The following ELAPOR2 variants were observed in gnomAD, a reference collection of about 807,000 sequenced individuals.
The protein encoded by ELAPOR2 is endosome-lysosome associated apoptosis and autophagy regulator family member 2.
In ELAPOR2, 89 loss-of-function variants were observed where a neutral mutation model predicts 120.7. The ratio of observed to expected loss-of-function variants is 0.74; its 90% CI spans 0.62 to 0.88. The LOEUF is 0.88. ELAPOR2 is among the 40% of genes least tolerant of loss of function. ELAPOR2 has a pLI of 0.00. For missense variants in ELAPOR2, 1,134 were observed against 1,251.6 expected (o/e 0.91, Z 1.42); for synonymous variants, 444 against 444.9 (o/e 1.00, Z 0.03).
intron 10 of ELAPOR2, 30 bp from the exon 11 acceptor site, chr7:86,919,340 T>C (rs762360853): frequency 1.5e-6 from 2 of 1,367,646 alleles, no homozygotes; most frequent in South Asian, 1.3e-5. Context: ...TTTTTATTAA[T>C]AAAAATTCCA....
At chr7:86,896,410 G>A (rs1788439760) in intron 19 of ELAPOR2, among the ~76,000 whole-genome samples, 3 of 152,016 alleles carry the variant, frequency 2.0e-5, no homozygotes, top group Non-Finnish European at 4.4e-5. Context: ...CTAGGGGTGA[G>A]GTGAACACAA....
chr7:86,967,572 T>C (rs919247758), intron 1 of ELAPOR2, among the ~76,000 whole-genome samples: 2 of 152,168 alleles, frequency 1.3e-5, no homozygotes, highest in Non-Finnish European at 2.9e-5. Flanking sequence ...AATGATACTG[T>C]GAAGTCATAT....
At chr7:86,909,433 A>C (rs1331581639) in intron 16 of ELAPOR2, among the ~76,000 whole-genome samples, 1 of 152,088 alleles carries the variant, frequency 6.6e-6, no homozygotes, top group African/African-American at 2.4e-5. Context: ...TCCTTTTGGT[A>C]TGAGAAAAGG....
intron 1 of ELAPOR2, among the ~76,000 whole-genome samples, chr7:87,030,789 T>C (rs1427745198): frequency 6.6e-6 from 1 of 152,160 alleles, no homozygotes; most frequent in Non-Finnish European, 1.5e-5. Context: ...CGTTATATAG[T>C]CCACCAGGTT....
intron 1 of ELAPOR2, among the ~76,000 whole-genome samples, chr7:86,998,362 T>C (rs1312241261): frequency 6.6e-6 from 1 of 152,194 alleles, no homozygotes; most frequent in Admixed American, 6.5e-5. Flanking sequence ...TGGTGAACGA[T>C]TAAGAAGCAT....
chr7:86,987,420 T>A (rs1792786581), intron 1 of ELAPOR2, among the ~76,000 whole-genome samples: 1 of 152,124 alleles, frequency 6.6e-6, no homozygotes, highest in Non-Finnish European at 1.5e-5. Context: ...CCCTACAGAC[T>A]GGGAGAAAAT....
intron 1 of ELAPOR2, among the ~76,000 whole-genome samples, chr7:86,989,881 A>G (rs984531160): frequency 1.3e-5 from 2 of 152,074 alleles, no homozygotes; most frequent in Non-Finnish European, 2.9e-5. Flanking sequence ...ATTCAGCATT[A>G]GGCAAAATTA....
intron 2 of ELAPOR2, among the ~76,000 whole-genome samples, chr7:86,962,039 C>T (rs1392862499): frequency 6.6e-6 from 1 of 152,146 alleles, no homozygotes; most frequent in Non-Finnish European, 1.5e-5. Flanking sequence ...TTCCTGAGCC[C>T]TGTAAGCTTC....
intron 2 of ELAPOR2, 33 bp downstream of exon 2, chr7:86,964,871 A>C: frequency 6.4e-7 from 1 of 1,550,580 alleles, no homozygotes; most frequent in Non-Finnish European, 8.7e-7. Flanking sequence ...TTGTTTAATC[A>C]AGAAAACAAA....
chr7:86,980,229 A>C (rs535469905), intron 1 of ELAPOR2, among the ~76,000 whole-genome samples: 8 of 152,362 alleles, frequency 5.3e-5, no homozygotes, highest in African/African-American at 1.9e-4. Flanking sequence ...AATTAAGGAA[A>C]TATGGTATTG....
intron 1 of ELAPOR2, among the ~76,000 whole-genome samples, chr7:87,005,384 T>C (rs887193937): frequency 6.6e-6 from 1 of 152,102 alleles, no homozygotes; most frequent in Non-Finnish European, 1.5e-5. Context: ...AAAAGGACAA[T>C]GTTGAGAGAA....
chr7:87,034,805 A>G (rs1794531289), intron 1 of ELAPOR2, among the ~76,000 whole-genome samples: 1 of 152,172 alleles, frequency 6.6e-6, no homozygotes, highest in African/African-American at 2.4e-5. Flanking sequence ...GTGTGTGGCC[A>G]GGCGCAGTGG....
At chr7:86,935,685 A>G (rs112301976) in intron 8 of ELAPOR2, among the ~76,000 whole-genome samples, 64 of 151,964 alleles carry the variant, frequency 4.2e-4, no homozygotes, top group African/African-American at 1.5e-3. Flanking sequence ...GAGACTGATG[A>G]ACACTAATGT....
In ELAPOR2 at chr7:86,926,890, C is replaced by T; in HGVS notation, c.1116G>A (p.Glu372=). Residue 372 remains glutamate (E), a synonymous_variant, in exon 9 of 22, where the codon GAG becomes GAA. Transcript: ENST00000450689. Reference sequence around the variant, plus strand: ...TGAGATCCTCCCGGCAGATTTTGGGCTCTATCCACTTGTACATTATCTGTG... The same window carrying T: ...TGAGATCCTCCCGGCAGATTTTGGGTTCTATCCACTTGTACATTATCTGTG... The part of the protein sequence containing the change: ...GKTQIMYKWI[E]PKICREDLTD... The T allele has an allele frequency of 6.9e-7, 1 of 1,448,418 alleles. No homozygotes were observed. The highest frequency in any genetic ancestry group is 9.4e-7 in the Non-Finnish European group (1 of 1,068,346). 89.7% of individuals were successfully genotyped at this position (1,448,418 alleles called of 1,614,324 possible).
At chr7:87,057,701 C>T (rs547982192) in intron 1 of ELAPOR2, among the ~76,000 whole-genome samples, 1 of 152,250 alleles carries the variant, frequency 6.6e-6, no homozygotes, top group Admixed American at 6.5e-5. Flanking sequence ...ACTCTTCTTT[C>T]TAGGTATACA....
intron 1 of ELAPOR2, among the ~76,000 whole-genome samples, chr7:86,975,427 T>C (rs1194934736): frequency 1.3e-5 from 2 of 152,216 alleles, no homozygotes; most frequent in African/African-American, 4.8e-5. Flanking sequence ...CTTAAATCAA[T>C]AGATTTTTTA....
intron 1 of ELAPOR2, among the ~76,000 whole-genome samples, chr7:87,028,255 C>T (rs547236941): frequency 1.3e-5 from 2 of 152,154 alleles, no homozygotes; most frequent in South Asian, 2.1e-4. Flanking sequence ...GTCAAAATTG[C>T]TTTTTTCAAG....
chr7:86,952,082 C>T (rs11979181), intron 2 of ELAPOR2, among the ~76,000 whole-genome samples: 14,259 of 152,194 alleles, frequency 0.094, 2,271 homozygotes, highest in African/African-American at 0.33. Flanking sequence ...AGTAAGAAGT[C>T]AAAGTGTCAC....
At chr7:86,929,199 C>T (rs1293274244) in intron 8 of ELAPOR2, among the ~76,000 whole-genome samples, 1 of 151,826 alleles carries the variant, frequency 6.6e-6, no homozygotes, top group East Asian at 1.9e-4. Context: ...CATATAAAAA[C>T]AGAACTCAGA....
Sources: allele counts gnomAD v4.1 joint callset (sites outside exome capture counted in the v4.1 genomes callset), GRCh38; gene constraint gnomAD v4.1.1; transcripts MANE v1.5; gene names NCBI Gene and HGNC (gene_info 2026-07-23, HGNC 2026-07-21).